ITPR1: variants seen among roughly 807,000 people sequenced by gnomAD.
ITPR1 encodes the protein inositol 1,4,5-trisphosphate-gated calcium channel ITPR1.
Under a neutral mutation model 318.4 loss-of-function variants are expected in ITPR1, and 96 were observed. The ratio of observed to expected loss-of-function variants is 0.30; its 90% CI spans 0.26 to 0.36. The LOEUF (loss-of-function observed/expected upper bound fraction) is 0.36, where lower values mean the gene tolerates loss of function less well. Ranked by LOEUF, ITPR1 falls within the 10% of genes least tolerant of loss-of-function variation. The pLI is 1.00. For synonymous variants in ITPR1, 1,312 were observed against 1,289.9 expected (o/e 1.02, Z -0.37); for missense variants, 2,440 against 3,460.2 (o/e 0.71, Z 7.40).
At chr3:4,603,327 A>G (rs1370415933) in intron 4 of ITPR1, among the ~76,000 whole-genome samples, 1 of 152,152 alleles carries the variant, frequency 6.6e-6, no homozygotes, top group Non-Finnish European at 1.5e-5. Flanking sequence ...TGGGGTATGA[A>G]TGATCACCCA....
intron 5 of ITPR1, among the ~76,000 whole-genome samples, chr3:4,638,716 C>T (rs904494244): frequency 2.0e-5 from 3 of 152,094 alleles, no homozygotes; most frequent in Non-Finnish European, 4.4e-5. Flanking sequence ...CAAGGGTGAC[C>T]AAATTTTTTA....
At chr3:4,643,627 CAT>C (rs1280515845) in intron 7 of ITPR1, among the ~76,000 whole-genome samples, 12 of 151,208 alleles carry the variant, frequency 7.9e-5, no homozygotes, top group South Asian at 4.2e-4. Flanking sequence ...GTTTTAGTTA[CAT>C]ATATATATAG....
chr3:4,690,591 A>C (rs1379425085), intron 31 of ITPR1, among the ~76,000 whole-genome samples: 1 of 152,212 alleles, frequency 6.6e-6, no homozygotes, highest in Non-Finnish European at 1.5e-5. Context: ...TCTTAGACCC[A>C]AAAGAAGTAT....
At chr3:4,729,619 T>A (rs1397345506) in intron 42 of ITPR1, among the ~76,000 whole-genome samples, 3 of 152,342 alleles carry the variant, frequency 2.0e-5, no homozygotes, top group Non-Finnish European at 4.4e-5. Flanking sequence ...ACGCAGTTCA[T>A]TCGCTTATTT....
At chr3:4,589,184 A>G (rs912369692) in intron 4 of ITPR1, among the ~76,000 whole-genome samples, 2 of 152,156 alleles carry the variant, frequency 1.3e-5, no homozygotes, top group African/African-American at 4.8e-5. Flanking sequence ...ATACACACAT[A>G]TATGTGTATA....
chr3:4,505,870 C>G (rs1289098064), intron 2 of ITPR1, among the ~76,000 whole-genome samples: 1 of 152,146 alleles, frequency 6.6e-6, no homozygotes, highest in African/African-American at 2.4e-5. Context: ...TCTCATGTGT[C>G]CCTTTTGTAT....
chr3:4,763,489 A>G (rs2125367620), intron 44 of ITPR1, among the ~76,000 whole-genome samples: 1 of 152,162 alleles, frequency 6.6e-6, no homozygotes, highest in South Asian at 2.1e-4. Flanking sequence ...CTCTCATTTC[A>G]TCTTGACCTC....
chr3:4,759,230 C>A (rs1286739420), intron 44 of ITPR1, among the ~76,000 whole-genome samples: 3 of 152,220 alleles, frequency 2.0e-5, no homozygotes, highest in South Asian at 2.1e-4. Context: ...CAAGGACTTG[C>A]AGGGCTGGGG....
At chr3:4,811,185 TA>T (rs2048920598) in intron 55 of ITPR1, 79 bp from the exon 56 acceptor site, 2 of 1,042,638 alleles carry the variant, frequency 1.9e-6, no homozygotes, top group Non-Finnish European at 2.7e-6. Context: ...AAACTCTCTA[TA>T]AACCAAGTTT....
chr3:4,595,039 C>A (rs565758576), intron 4 of ITPR1, among the ~76,000 whole-genome samples: 3 of 152,230 alleles, frequency 2.0e-5, no homozygotes, highest in African/African-American at 7.2e-5. Context: ...AATTACTAAG[C>A]CTCACTTTTC....
chr3:4,622,260 G>T (rs371276666), intron 4 of ITPR1, among the ~76,000 whole-genome samples: 1 of 150,978 alleles, frequency 6.6e-6, no homozygotes, highest in East Asian at 1.9e-4. Flanking sequence ...GACTACAGGC[G>T]CATGCCACCA....
intron 4 of ITPR1, among the ~76,000 whole-genome samples, chr3:4,578,705 G>A (rs2088959969): frequency 6.6e-6 from 1 of 152,156 alleles, no homozygotes; most frequent in Admixed American, 6.5e-5. Flanking sequence ...AACGTGGTTG[G>A]CGCGCTCATG....
At chr3:4,708,528 A>G (rs1045132614) in intron 37 of ITPR1, among the ~76,000 whole-genome samples, 5 of 152,164 alleles carry the variant, frequency 3.3e-5, no homozygotes, top group Non-Finnish European at 5.9e-5. Context: ...TCCTGATCCC[A>G]CTATGCTTTT....
At chr3:4,736,445 G>A (rs755501914) in intron 44 of ITPR1, among the ~76,000 whole-genome samples, 7 of 152,370 alleles carry the variant, frequency 4.6e-5, no homozygotes, top group East Asian at 3.9e-4. Context: ...TGCTCCTCCA[G>A]CCAGCACCCT....
intron 5 of ITPR1, among the ~76,000 whole-genome samples, chr3:4,631,285 A>G (rs1226575828): frequency 1.3e-5 from 2 of 152,212 alleles, no homozygotes; most frequent in Non-Finnish European, 2.9e-5. Flanking sequence ...GCACACAATC[A>G]CCAACCATAG....
rs3792504 is a variant in ITPR1 at position 4,772,616 on chromosome 3, G to A, written c.5980-2626G>A. ...TTCCACCAAAGTCTGTCTAAGCACA[G>A]ACTTGAAGTCTTCCATTTCCTTAAC... is the stretch of plus-strand genomic sequence containing the variant. On this transcript the variant is annotated intron_variant, in intron 46 of 61. Coordinates refer to ENST00000649015, the MANE Select transcript of ITPR1 (RefSeq NM_001378452.1). 1.7e-3 allele frequency among the ~76,000 whole-genome samples: 261 copies of A among 152,332 alleles called. 7 individuals are homozygous for A. In the East Asian group the frequency reaches 0.045, roughly 26 times the overall value.
chr3:4,827,221 G>A (rs73807170), intron 60 of ITPR1, among the ~76,000 whole-genome samples: 1 of 152,060 alleles, frequency 6.6e-6, no homozygotes, highest in Non-Finnish European at 1.5e-5. Flanking sequence ...CGTGCTGCCC[G>A]GCTTGCCCTT....
chr3:4,753,810 G>C (rs1436254030), intron 44 of ITPR1, among the ~76,000 whole-genome samples: 1 of 152,108 alleles, frequency 6.6e-6, no homozygotes, highest in Non-Finnish European at 1.5e-5. Flanking sequence ...TAGACACCCT[G>C]CCGGTACTGT....
At position 4,660,350 on chromosome 3, in the gene ITPR1, G is replaced by A. The variant is rs563500358; in HGVS notation, c.1152-638G>A. The stretch of plus-strand genomic sequence containing the variant: ...TTTGTAACAGCCCTTTGTGTGTAGA[G>A]TAATAACCTTTTAATGCAATGGGCT... On this transcript the variant is annotated intron_variant, in intron 13 of 61. Coordinates refer to ENST00000649015, the MANE Select transcript of ITPR1 (RefSeq NM_001378452.1). Among the ~76,000 whole-genome samples the A allele has an allele frequency of 2.0e-5, 3 of 151,540 alleles. No individual in the cohort carries two copies. The South Asian group carries it at 6.3e-4, about 32-fold the overall frequency.
Sources: gnomAD v4.1 joint callset for allele counts (sites outside exome capture counted in the v4.1 genomes callset) on GRCh38, gnomAD v4.1.1 for gene constraint, MANE v1.5 for transcripts, NCBI Gene and HGNC (gene_info 2026-07-23, HGNC 2026-07-21) for gene names.